R3HDM2: variants seen among roughly 807,000 people sequenced by gnomAD.
The protein encoded by R3HDM2 is R3H domain containing 2.
In R3HDM2, 38 loss-of-function variants were observed where a neutral mutation model predicts 124.5. That is an observed-to-expected ratio of 0.31 (90% CI 0.24 to 0.40). The LOEUF is 0.40. R3HDM2 is among the 10% of genes least tolerant of loss of function. The pLI is 1.00. For missense variants in R3HDM2, 869 were observed against 1,236.9 expected (o/e 0.70, Z 4.46); for synonymous variants, 391 against 448.0 (o/e 0.87, Z 1.61).
intron 2 of R3HDM2, among the ~76,000 whole-genome samples, chr12:57,395,247 C>T (rs2138814059): frequency 6.6e-6 from 1 of 152,142 alleles, no homozygotes; most frequent in East Asian, 1.9e-4. Context: ...TGGCTCACGC[C>T]TGTAATCCCA....
intron 12 of R3HDM2, among the ~76,000 whole-genome samples, chr12:57,286,093 A>G (rs2138141649): frequency 6.6e-6 from 1 of 152,346 alleles, no homozygotes; most frequent in East Asian, 1.9e-4. Flanking sequence ...TGCTACCCAG[A>G]TTCAATTTTG....
intron 2 of R3HDM2, among the ~76,000 whole-genome samples, chr12:57,343,523 A>G (rs2059798459): frequency 6.6e-6 from 1 of 152,028 alleles, no homozygotes; most frequent in Non-Finnish European, 1.5e-5. Context: ...AAGGAAGGAT[A>G]GTAATAATCT....
At chr12:57,420,546 T>C (rs959137424) in intron 1 of R3HDM2, among the ~76,000 whole-genome samples, 6 of 150,646 alleles carry the variant, frequency 4.0e-5, no homozygotes, top group Non-Finnish European at 7.4e-5. Flanking sequence ...TTAATAGAGA[T>C]GAGGTCTCAT....
chr12:57,366,230 C>T (rs952675279), intron 2 of R3HDM2, among the ~76,000 whole-genome samples: 1 of 152,088 alleles, frequency 6.6e-6, no homozygotes, highest in Non-Finnish European at 1.5e-5. Flanking sequence ...CGTTGGTTCA[C>T]TGCAGCCTTG....
At chr12:57,413,855 T>C (rs1371750907) in intron 1 of R3HDM2, among the ~76,000 whole-genome samples, 1 of 149,420 alleles carries the variant, frequency 6.7e-6, no homozygotes, top group African/African-American at 2.5e-5. Context: ...CCCTTTTTTT[T>C]TTTTTTTTTG....
intron 2 of R3HDM2, among the ~76,000 whole-genome samples, chr12:57,384,712 C>A (rs2065447173): frequency 6.6e-6 from 1 of 152,042 alleles, no homozygotes; most frequent in East Asian, 1.9e-4. Flanking sequence ...ACTAATAAAG[C>A]TGTAAGAAAC....
intron 2 of R3HDM2, among the ~76,000 whole-genome samples, chr12:57,360,169 C>T (rs969515814): frequency 6.0e-4 from 90 of 150,972 alleles, no homozygotes; most frequent in African/African-American, 1.6e-3. Context: ...GCTGGGATTA[C>T]AGGCATGCGC....
At chr12:57,309,423 G>A (rs368574589) in intron 3 of R3HDM2, among the ~76,000 whole-genome samples, 17 of 152,278 alleles carry the variant, frequency 1.1e-4, no homozygotes, top group African/African-American at 4.1e-4. Flanking sequence ...AACCAAAGAA[G>A]AACCCCACAA....
rs376336394 is a variant in R3HDM2, at chr12:57,314,952, G to A, written c.-35-4489C>T. ...GGCCCACTTCAGCCTCAACCTCCCC[G>A]GGCTCAGGTGATCCTCCTATCTCAG... On this transcript the variant is annotated intron_variant, in intron 2 of 23. Coordinates refer to ENST00000402412, the MANE Select transcript of R3HDM2 (RefSeq NM_001394031.1). Among the ~76,000 whole-genome samples, 40 of 152,126 alleles carry A rather than the reference G, an allele frequency of 2.6e-4. No homozygotes were observed. In the East Asian group the frequency reaches 6.8e-3, roughly 26 times the overall value.
intron 3 of R3HDM2, among the ~76,000 whole-genome samples, chr12:57,305,067 C>T (rs189301999): frequency 1.3e-5 from 2 of 152,228 alleles, no homozygotes; most frequent in Admixed American, 1.3e-4. Flanking sequence ...CACCTGTAAT[C>T]CCAGCTACTA....
intron 2 of R3HDM2, among the ~76,000 whole-genome samples, chr12:57,377,622 C>T (rs146080098): frequency 0.015 from 2,337 of 152,180 alleles, 15 homozygotes; most frequent in Middle Eastern, 0.071. Flanking sequence ...CTTTTCTTTT[C>T]TCAAAAACTC....
chr12:57,421,708 T>G (rs1453342145), intron 1 of R3HDM2, among the ~76,000 whole-genome samples: 5 of 151,774 alleles, frequency 3.3e-5, no homozygotes, highest in Non-Finnish European at 7.4e-5. Context: ...AGGTTCTCAC[T>G]AAGTTGCCCC....
chr12:57,255,981 G>A lies in R3HDM2; in HGVS notation c.2632+9C>T, dbSNP rs748546803. 1.7e-5 allele frequency: 28 copies of A among 1,609,800 alleles called. No individual in the cohort carries two copies. The highest frequency in any genetic ancestry group is 1.6e-4 in the Middle Eastern group (1 of 6,070). ...CCTTCTCTTGGGGATTCAGCATCCCGTGACTCACCAACATCTGCTGTCCCC... is the reference window on the plus strand; with the variant it reads ...CCTTCTCTTGGGGATTCAGCATCCCATGACTCACCAACATCTGCTGTCCCC... On this transcript the variant is annotated intron_variant, in intron 23 of 23. Coordinates refer to ENST00000402412, the MANE Select transcript of R3HDM2 (RefSeq NM_001394031.1).
intron 2 of R3HDM2, among the ~76,000 whole-genome samples, chr12:57,322,180 C>T (rs1470820055): frequency 6.6e-6 from 1 of 152,222 alleles, no homozygotes; most frequent in Non-Finnish European, 1.5e-5. Flanking sequence ...CGCGCCACTG[C>T]ACTCCAGCCT....
chr12:57,418,094 A>C (rs139635215), intron 1 of R3HDM2: 2 of 910,948 alleles, frequency 2.2e-6, no homozygotes, highest in Non-Finnish European at 2.6e-6. Flanking sequence ...CATTTCCAAA[A>C]GTGAACTCTC....
intron 14 of R3HDM2, among the ~76,000 whole-genome samples, chr12:57,277,500 G>A (rs1275803210): frequency 6.6e-6 from 1 of 151,272 alleles, no homozygotes; most frequent in Admixed American, 6.6e-5. Flanking sequence ...GTGCAGTGGT[G>A]CAATCTCAGC....
chr12:57,255,191 G>T, intron 23 of R3HDM2, 78 bp from the exon 24 acceptor site: 1 of 1,230,380 alleles, frequency 8.1e-7, no homozygotes, highest in Non-Finnish European at 1.1e-6. Context: ...GCAGAGAAGT[G>T]TCCAGCTGAC....
chr12:57,256,344 A>C (rs529989413), intron 22 of R3HDM2, 70 bp downstream of exon 22: 1 of 1,307,964 alleles, frequency 7.6e-7, no homozygotes, highest in East Asian at 2.5e-5. Context: ...AGCTGGTTGA[A>C]GCTCAGACAC....
chr12:57,365,505 T>C (rs573634451), intron 2 of R3HDM2, among the ~76,000 whole-genome samples: 2 of 152,340 alleles, frequency 1.3e-5, no homozygotes, highest in East Asian at 1.9e-4. Flanking sequence ...TTTTAAGCAA[T>C]TTGATTAAAA....
Sources: allele counts gnomAD v4.1 joint callset (sites outside exome capture counted in the v4.1 genomes callset), GRCh38; gene constraint gnomAD v4.1.1; transcripts MANE v1.5; gene names NCBI Gene and HGNC (gene_info 2026-07-23, HGNC 2026-07-21).